KCNH5: variants seen among roughly 807,000 people sequenced by gnomAD.
KCNH5 encodes potassium voltage-gated channel subfamily H member 5, also known as voltage-gated delayed rectifier potassium channel KCNH5.
KCNH5 carries 46 observed loss-of-function variants against 96.1 expected under a neutral mutation model. That is an observed-to-expected ratio of 0.48 (90% CI 0.38 to 0.61). The LOEUF is 0.61. Among genes scored for constraint, KCNH5 ranks in the 20% least tolerant of loss-of-function variants. KCNH5 has a pLI of 0.00. For synonymous variants in KCNH5, 439 were observed against 449.8 expected, an observed-to-expected ratio of 0.98 and a Z score of 0.30; for missense variants, 907 against 1,225.8, an observed-to-expected ratio of 0.74 and a Z score of 3.88.
At chr14:62,750,285 C>A (rs977266106) in intron 10 of KCNH5, among the ~76,000 whole-genome samples, 4 of 152,142 alleles carry the variant, frequency 2.6e-5, no homozygotes, top group Non-Finnish European at 5.9e-5. Flanking sequence ...TTAAGTGAAA[C>A]AGGGAAGCTC....
chr14:62,808,397 A>G (rs1425064256), intron 8 of KCNH5, among the ~76,000 whole-genome samples: 1 of 152,168 alleles, frequency 6.6e-6, no homozygotes, highest in Non-Finnish European at 1.5e-5. Flanking sequence ...TTGGAATAGA[A>G]GCACAACAGG....
intron 5 of KCNH5, among the ~76,000 whole-genome samples, chr14:62,982,668 G>A (rs1412350669): frequency 6.6e-6 from 1 of 152,294 alleles, no homozygotes; most frequent in East Asian, 1.9e-4. Flanking sequence ...GCTTGGGAGA[G>A]TATCCTAAAG....
intron 5 of KCNH5, 141 bp from the exon 6 acceptor site, chr14:62,981,405 T>G (rs1009340579): frequency 1.3e-6 from 1 of 781,234 alleles, no homozygotes; most frequent in Non-Finnish European, 2.0e-6. Flanking sequence ...GTCCTAAAAT[T>G]TGTTCAGAGG....
At chr14:62,985,751 G>A (rs1890694862) in intron 5 of KCNH5, among the ~76,000 whole-genome samples, 1 of 152,092 alleles carries the variant, frequency 6.6e-6, no homozygotes, top group African/African-American at 2.4e-5. Context: ...TGACACTGAA[G>A]CCTACAATTC....
Position 62,699,490 on chromosome 14 carries a change from T to C in KCNH5, c.*8018A>G, listed in dbSNP as rs972071383. 6.6e-6 allele frequency: 1 copy of C among 152,182 alleles called. No homozygotes were observed. Among genetic ancestry groups the C allele is most frequent in the Non-Finnish European group, 1.5e-5 (1 of 68,022 alleles). The allele number at this position is 152,182 out of a possible 1,614,324, so 9.4% of individuals were successfully genotyped here. A position where few individuals can be genotyped will look rare whatever the true frequency, so the allele number is the denominator to read the frequency against. On this transcript the variant is annotated 3_prime_UTR_variant, in exon 11 of 11. Coordinates refer to ENST00000322893, the MANE Select transcript of KCNH5 (RefSeq NM_139318.5). ...TCCATAAAATGCACATTTTATTCTG[T>C]ATCATGAAAAAATATCCACATTTAA...
intron 7 of KCNH5, among the ~76,000 whole-genome samples, chr14:62,912,980 A>G (rs1175538049): frequency 6.6e-6 from 1 of 152,188 alleles, no homozygotes; most frequent in Non-Finnish European, 1.5e-5. Context: ...AGTTTTTCTT[A>G]TCTTAAATTG....
At chr14:62,900,268 A>G (rs1888898383) in intron 7 of KCNH5, among the ~76,000 whole-genome samples, 1 of 152,224 alleles carries the variant, frequency 6.6e-6, no homozygotes, top group South Asian at 2.1e-4. Context: ...TGATTATGTA[A>G]CGGATACTAT....
intron 5 of KCNH5, among the ~76,000 whole-genome samples, chr14:62,984,176 T>C (rs1890662957): frequency 6.6e-6 from 1 of 152,186 alleles, no homozygotes; most frequent in Non-Finnish European, 1.5e-5. Flanking sequence ...AAATCACATT[T>C]TTTGATGTAT....
rs535990159 is a variant in KCNH5 at position 62,736,183 on chromosome 14, C to A, written c.2020-27728G>T. Among the ~76,000 whole-genome samples the A allele has an allele frequency of 3.9e-4, 60 of 152,282 alleles. 1 individual carries two copies. The highest frequency in any genetic ancestry group is 1.1e-3 in the Admixed American group (17 of 15,282). On this transcript the variant is annotated intron_variant, in intron 10 of 10. Transcript: ENST00000322893. ...TGGTCTCTTCTCCTATTCTACACTTCTGCATCATCTCCACCCCCACCTCTG... is the reference window on the plus strand; with the variant it reads ...TGGTCTCTTCTCCTATTCTACACTTATGCATCATCTCCACCCCCACCTCTG...
intron 4 of KCNH5, among the ~76,000 whole-genome samples, chr14:62,994,781 G>A (rs1435424326): frequency 2.0e-5 from 3 of 151,988 alleles, no homozygotes; most frequent in Admixed American, 6.6e-5. Flanking sequence ...GTCAGACGTT[G>A]AGCGTCAGAA....
In KCNH5 at chr14:62,704,729, G is replaced by A. The variant is rs1468459026; in HGVS notation, c.*2779C>T. 1 of 151,810 alleles carries A rather than the reference G, an allele frequency of 6.6e-6. No homozygotes were observed. The highest frequency in any genetic ancestry group is 6.6e-5 in the Admixed American group (1 of 15,232). 9.4% of individuals were successfully genotyped at this position (151,810 alleles called of 1,614,324 possible). A position where few individuals can be genotyped will look rare whatever the true frequency, so the allele number is the denominator to read the frequency against. Reference sequence around the variant, plus strand: ...AAAATTTTTATTCTGGATGCACCAAGAGCATCTATACAGTGTAGGAATAAA... The same window carrying A: ...AAAATTTTTATTCTGGATGCACCAAAAGCATCTATACAGTGTAGGAATAAA... On this transcript the variant is annotated 3_prime_UTR_variant, in exon 11 of 11. Transcript: ENST00000322893.
At chr14:63,033,117 C>A (rs1891660104) in intron 1 of KCNH5, among the ~76,000 whole-genome samples, 1 of 152,210 alleles carries the variant, frequency 6.6e-6, no homozygotes, top group Admixed American at 6.5e-5. Flanking sequence ...TCGACTACCG[C>A]AAGACCAGAC....
intron 8 of KCNH5, among the ~76,000 whole-genome samples, chr14:62,841,125 G>C (rs1887576686): frequency 6.6e-6 from 1 of 151,820 alleles, no homozygotes; most frequent in South Asian, 2.1e-4. Context: ...AAAGAGATGG[G>C]AGAGTGAGTG....
At chr14:62,809,141 T>C (rs375978489) in intron 8 of KCNH5, among the ~76,000 whole-genome samples, 11 of 152,144 alleles carry the variant, frequency 7.2e-5, no homozygotes, top group African/African-American at 2.4e-4. Flanking sequence ...TTACAGCTTG[T>C]AGCAATTGAG....
chr14:62,855,433 C>T (rs8012721), intron 7 of KCNH5, among the ~76,000 whole-genome samples: 101,396 of 152,056 alleles, frequency 0.67, 34,907 homozygotes, highest in East Asian at 0.88. Context: ...TTCAGGACCA[C>T]TGAAGCCATC....
At chr14:62,740,890 A>G (rs1182397599) in intron 10 of KCNH5, among the ~76,000 whole-genome samples, 1 of 152,184 alleles carries the variant, frequency 6.6e-6, no homozygotes, top group Non-Finnish European at 1.5e-5. Flanking sequence ...TAAAGAACTC[A>G]TTGGAAGCTT....
rs777224509 is a variant in KCNH5, at chr14:62,707,972, C to T, written c.2503G>A (p.Glu835Lys). The T allele has an allele frequency of 1.2e-6, 2 of 1,614,220 alleles. No homozygotes were observed. The highest frequency in any genetic ancestry group is 2.2e-5 in the East Asian group (1 of 44,874). Residue 835 changes from glutamate (E) to lysine (K), a missense_variant, in exon 11 of 11, where the codon GAG becomes AAG. Physicochemically the swap from Glu to Lys is moderately conservative, Grantham distance 56. Around this residue, in one of 6 missense-constraint regions of KCNH5, gnomAD observed 362 missense variants for 394.4 expected, o/e 0.92. Transcript: ENST00000322893. ...TCCTCAGACAATAGCCCCATTGACT[C>T]AGCTTTAGTGACATTATTCCAGTCT... ...KEDWNNVTKAESMGLLSEDPK... is the reference protein window; with the variant it reads ...KEDWNNVTKAKSMGLLSEDPK...
intron 9 of KCNH5, among the ~76,000 whole-genome samples, chr14:62,792,236 A>G (rs1886450584): frequency 1.3e-5 from 2 of 151,576 alleles, no homozygotes; most frequent in Non-Finnish European, 3.0e-5. Flanking sequence ...TATGTTAAAA[A>G]TTATCATAAA....
intron 10 of KCNH5, among the ~76,000 whole-genome samples, chr14:62,721,643 T>A (rs1884819887): frequency 6.6e-6 from 1 of 152,014 alleles, no homozygotes; most frequent in Non-Finnish European, 1.5e-5. Context: ...TACAATGGAT[T>A]TTAATTTTAT....
Sources: allele counts gnomAD v4.1 joint callset (sites outside exome capture counted in the v4.1 genomes callset), GRCh38; gene constraint gnomAD v4.1.1; regional missense constraint gnomAD v4.1.1; transcripts MANE v1.5; gene names NCBI Gene and HGNC (gene_info 2026-07-23, HGNC 2026-07-21).